PARD3: variants seen among roughly 807,000 people sequenced by gnomAD.
The protein encoded by PARD3 is partitioning defective 3 homolog.
PARD3 carries 75 observed loss-of-function variants against 155.4 expected under a neutral mutation model. The observed-to-expected ratio is 0.48, with a 90% CI of 0.40 to 0.58. PARD3 has a LOEUF of 0.58. Among genes scored for constraint, PARD3 ranks in the 20% least tolerant of loss-of-function variants. The pLI, the probability that PARD3 is intolerant of heterozygous loss-of-function variation, is 0.00. For missense variants in PARD3, 1,642 were observed against 1,721.7 expected (o/e 0.95, Z 0.82); for synonymous variants, 576 against 610.5 (o/e 0.94, Z 0.83).
intron 20 of PARD3, among the ~76,000 whole-genome samples, chr10:34,286,104 T>C (rs1419246834): frequency 6.6e-6 from 1 of 152,234 alleles, no homozygotes; most frequent in Non-Finnish European, 1.5e-5. Context: ...TTTTTGTCAA[T>C]ATATCAATAA....
chr10:34,339,196 T>A (rs1025872432), intron 16 of PARD3, among the ~76,000 whole-genome samples: 1 of 152,198 alleles, frequency 6.6e-6, no homozygotes, highest in African/African-American at 2.4e-5. Context: ...CTGCACATGC[T>A]AACCAATTCT....
At chr10:34,192,469 T>A (rs1159910040) in intron 22 of PARD3, among the ~76,000 whole-genome samples, 2 of 152,192 alleles carry the variant, frequency 1.3e-5, no homozygotes, top group Admixed American at 6.5e-5. Context: ...TAGAAGACAG[T>A]TTCTGTCTTC....
At chr10:34,186,821 C>T (rs1950513994) in intron 22 of PARD3, among the ~76,000 whole-genome samples, 1 of 152,156 alleles carries the variant, frequency 6.6e-6, no homozygotes, top group African/African-American at 2.4e-5. Flanking sequence ...GAGGTCTCCC[C>T]TCTCCACTCC....
intron 2 of PARD3, among the ~76,000 whole-genome samples, chr10:34,646,844 G>C (rs1312822682): frequency 1.3e-5 from 2 of 151,954 alleles, no homozygotes; most frequent in Admixed American, 1.3e-4. Context: ...CTTCAGCTAC[G>C]ATTTTTTATT....
chr10:34,743,084 A>G (rs1238327348), intron 1 of PARD3, among the ~76,000 whole-genome samples: 2 of 152,212 alleles, frequency 1.3e-5, no homozygotes, highest in African/African-American at 4.8e-5. Flanking sequence ...GGACTTAGCA[A>G]ATATTCAATT....
chr10:34,547,934 A>G (rs1358746971), intron 2 of PARD3, among the ~76,000 whole-genome samples: 1 of 152,226 alleles, frequency 6.6e-6, no homozygotes, highest in Non-Finnish European at 1.5e-5. Flanking sequence ...TTGCACATCA[A>G]TGGGCTCTAA....
intron 22 of PARD3, among the ~76,000 whole-genome samples, chr10:34,252,294 T>A (rs1449133390): frequency 2.0e-5 from 3 of 152,076 alleles, no homozygotes; most frequent in Admixed American, 2.0e-4. Flanking sequence ...GAGTGTGACA[T>A]TCCATGCAGA....
At chr10:34,807,430 C>T (rs1015315884) in intron 1 of PARD3, among the ~76,000 whole-genome samples, 1 of 152,184 alleles carries the variant, frequency 6.6e-6, no homozygotes, top group African/African-American at 2.4e-5. Context: ...AAAGTATACA[C>T]TTGAATAGAA....
chr10:34,307,472 T>C (rs955219936), intron 20 of PARD3, among the ~76,000 whole-genome samples: 9 of 152,166 alleles, frequency 5.9e-5, no homozygotes, highest in Admixed American at 3.3e-4. Flanking sequence ...GTTGTTAAGC[T>C]GCACATTCTA....
At chr10:34,143,628 T>A (rs1948315527) in intron 22 of PARD3, among the ~76,000 whole-genome samples, 1 of 152,196 alleles carries the variant, frequency 6.6e-6, no homozygotes, top group Non-Finnish European at 1.5e-5. Flanking sequence ...ATGCAGTACT[T>A]AATTCCAAAT....
chr10:34,589,655 A>C (rs1475942073), intron 2 of PARD3, among the ~76,000 whole-genome samples: 1 of 151,100 alleles, frequency 6.6e-6, no homozygotes, highest in Non-Finnish European at 1.5e-5. Flanking sequence ...AAAAAAAAAA[A>C]AAACCAAGCA....
At chr10:34,260,724 A>G (rs537090799) in intron 22 of PARD3, among the ~76,000 whole-genome samples, 1 of 152,366 alleles carries the variant, frequency 6.6e-6, no homozygotes, top group Admixed American at 6.5e-5. Flanking sequence ...TTACTTTCTC[A>G]CATTTCAAGA....
chr10:34,478,653 C>G (rs2078868945), intron 3 of PARD3, among the ~76,000 whole-genome samples: 2 of 152,144 alleles, frequency 1.3e-5, no homozygotes, highest in African/African-American at 4.8e-5. Flanking sequence ...AAGTAATTAT[C>G]CTGCCTCAGC....
chr10:34,347,341 CA>C (rs1312003496), intron 15 of PARD3, among the ~76,000 whole-genome samples: 3 of 152,218 alleles, frequency 2.0e-5, no homozygotes, highest in Admixed American at 2.0e-4. Flanking sequence ...TGCTGCAAAG[CA>C]AGTGCTAATA....
chr10:34,307,797 C>A (rs1216463026), intron 20 of PARD3, among the ~76,000 whole-genome samples: 1 of 152,138 alleles, frequency 6.6e-6, no homozygotes, highest in Non-Finnish European at 1.5e-5. Flanking sequence ...ACGCATCATG[C>A]AGTCTGCCAG....
At chr10:34,429,499 G>A (rs1383402906) in intron 5 of PARD3, among the ~76,000 whole-genome samples, 1 of 152,010 alleles carries the variant, frequency 6.6e-6, no homozygotes, top group African/African-American at 2.4e-5. Flanking sequence ...GGGCTCAAGG[G>A]ATAATCCTGC....
chr10:34,452,432 A>T (rs1453514971), intron 4 of PARD3, among the ~76,000 whole-genome samples: 2 of 152,180 alleles, frequency 1.3e-5, no homozygotes, highest in Non-Finnish European at 2.9e-5. Flanking sequence ...TCATACTAAA[A>T]CTATTATGTT....
At chr10:34,311,664 A>G (rs1000935185) in intron 20 of PARD3, among the ~76,000 whole-genome samples, 4 of 152,210 alleles carry the variant, frequency 2.6e-5, no homozygotes, top group African/African-American at 9.6e-5. Context: ...TATATGCCAA[A>G]GTAGCTCTGC....
chr10:34,489,615 T>C (rs2079747238), intron 3 of PARD3, among the ~76,000 whole-genome samples: 2 of 152,352 alleles, frequency 1.3e-5, no homozygotes, highest in African/African-American at 4.8e-5. Context: ...CTGAAACATA[T>C]GGCTGCGTGT....
Sources: gnomAD v4.1 joint callset for allele counts (sites outside exome capture counted in the v4.1 genomes callset) on GRCh38, gnomAD v4.1.1 for gene constraint, MANE v1.5 for transcripts, NCBI Gene and HGNC (gene_info 2026-07-23, HGNC 2026-07-21) for gene names.